Variants in FSTL5 observed in about 807,000 individuals in gnomAD.
FSTL5 encodes the protein follistatin like 5.
FSTL5 carries 62 observed loss-of-function variants against 89.1 expected under a neutral mutation model. The observed-to-expected ratio is 0.70, with a 90% CI of 0.57 to 0.86. The LOEUF is 0.86. Among genes scored for constraint, FSTL5 ranks in the 40% least tolerant of loss-of-function variants. The pLI is 0.00. For missense variants in FSTL5, 1,057 were observed against 1,001.6 expected (o/e 1.06, Z -0.75); for synonymous variants, 383 against 346.2 (o/e 1.11, Z -1.18).
chr4:161,448,471 C>T (rs143995293), intron 15 of FSTL5, among the ~76,000 whole-genome samples: 9 of 152,162 alleles, frequency 5.9e-5, no homozygotes, highest in East Asian at 1.9e-4. Context: ...TTTGCTTTAA[C>T]GGATTTGATA....
chr4:161,689,224 T>TAAACTCTATATAGAAC (rs1737842370), intron 6 of FSTL5, among the ~76,000 whole-genome samples: 1 of 152,180 alleles, frequency 6.6e-6, no homozygotes, highest in African/African-American at 2.4e-5. Context: ...CCATGTTTAA[T>TAAACTCTATATAGAAC]AAACTCTATA....
intron 4 of FSTL5, among the ~76,000 whole-genome samples, chr4:161,821,195 G>C (rs1730482990): frequency 1.3e-5 from 2 of 151,886 alleles, no homozygotes; most frequent in Admixed American, 6.6e-5. Flanking sequence ...AGCACACCAT[G>C]TCTGGCTAAT....
At chr4:161,558,571 A>G (rs1732476902) in intron 8 of FSTL5, among the ~76,000 whole-genome samples, 1 of 151,514 alleles carries the variant, frequency 6.6e-6, no homozygotes, top group African/African-American at 2.4e-5. Flanking sequence ...TTCTCACTCA[A>G]TCCTCTGTTC....
chr4:161,633,711 G>A (rs1321911485), intron 7 of FSTL5, among the ~76,000 whole-genome samples: 8 of 152,030 alleles, frequency 5.3e-5, no homozygotes, highest in African/African-American at 1.9e-4. Flanking sequence ...AGAGTGTTTA[G>A]TAACTAGATG....
chr4:161,960,039 A>G (rs1303207351), intron 3 of FSTL5, among the ~76,000 whole-genome samples: 1 of 152,140 alleles, frequency 6.6e-6, no homozygotes. Flanking sequence ...TATTATCTAT[A>G]CAATGTTATT....
intron 3 of FSTL5, among the ~76,000 whole-genome samples, chr4:162,021,202 A>C (rs2111157312): frequency 6.6e-6 from 1 of 152,254 alleles, no homozygotes; most frequent in Non-Finnish European, 1.5e-5. Flanking sequence ...GGCTACTACT[A>C]GGCAACTGCA....
At chr4:161,428,726 G>A (rs182036235) in intron 15 of FSTL5, among the ~76,000 whole-genome samples, 5 of 152,208 alleles carry the variant, frequency 3.3e-5, no homozygotes, top group Admixed American at 6.5e-5. Flanking sequence ...AGTGATACCC[G>A]GACAGTACTC....
intron 1 of FSTL5, among the ~76,000 whole-genome samples, chr4:162,131,329 A>G (rs146781337): frequency 6.6e-6 from 1 of 152,336 alleles, no homozygotes; most frequent in African/African-American, 2.4e-5. Flanking sequence ...TTTATATTAA[A>G]TGAATGAATG....
At chr4:161,916,740 T>A (rs1733851009) in intron 4 of FSTL5, among the ~76,000 whole-genome samples, 1 of 152,044 alleles carries the variant, frequency 6.6e-6, no homozygotes, top group African/African-American at 2.4e-5. Context: ...TAAATTTACG[T>A]GTATATTTAA....
intron 13 of FSTL5, among the ~76,000 whole-genome samples, chr4:161,468,113 C>T (rs753369482): frequency 4.6e-5 from 7 of 152,042 alleles, no homozygotes; most frequent in Non-Finnish European, 7.4e-5. Context: ...TAATAGCTCT[C>T]ATAATTGAAA....
At chr4:162,163,090 A>G (rs1177027861) in intron 1 of FSTL5, among the ~76,000 whole-genome samples, 2 of 152,052 alleles carry the variant, frequency 1.3e-5, no homozygotes, top group African/African-American at 2.4e-5. Flanking sequence ...ATGTTTCTAT[A>G]CCTACCTCCT....
chr4:161,768,505 G>A (rs938656390), intron 5 of FSTL5, among the ~76,000 whole-genome samples: 11 of 151,976 alleles, frequency 7.2e-5, no homozygotes, highest in African/African-American at 2.2e-4. Flanking sequence ...TGTAAGGAAG[G>A]CAAGGCTCTT....
intron 8 of FSTL5, among the ~76,000 whole-genome samples, chr4:161,569,072 A>G (rs1489694413): frequency 6.6e-6 from 1 of 152,160 alleles, no homozygotes; most frequent in Non-Finnish European, 1.5e-5. Context: ...ATTATATTTC[A>G]TTACACCCTC....
intron 6 of FSTL5, among the ~76,000 whole-genome samples, chr4:161,657,788 A>C (rs1736567968): frequency 6.6e-6 from 1 of 152,192 alleles, no homozygotes; most frequent in Non-Finnish European, 1.5e-5. Flanking sequence ...ATAATTCAAC[A>C]CACACACACG....
intron 12 of FSTL5, among the ~76,000 whole-genome samples, chr4:161,490,351 C>A (rs995175047): frequency 9.2e-5 from 14 of 152,004 alleles, no homozygotes; most frequent in Admixed American, 2.6e-4. Context: ...TTTTTGGAAA[C>A]CTTAGTTGAA....
intron 4 of FSTL5, among the ~76,000 whole-genome samples, chr4:161,854,882 A>G (rs1237852739): frequency 2.6e-5 from 4 of 152,040 alleles, no homozygotes; most frequent in African/African-American, 7.2e-5. Context: ...GATTTTAATA[A>G]TGTTAAAAAA....
chr4:161,490,661 C>G (rs539394259), intron 12 of FSTL5, among the ~76,000 whole-genome samples: 49 of 152,178 alleles, frequency 3.2e-4, no homozygotes, highest in Admixed American at 3.2e-3. Flanking sequence ...GTTTACAAGA[C>G]TACTATTGAC....
At chr4:161,738,718 T>A (rs1213091639) in intron 6 of FSTL5, among the ~76,000 whole-genome samples, 1 of 152,162 alleles carries the variant, frequency 6.6e-6, no homozygotes, top group Non-Finnish European at 1.5e-5. Flanking sequence ...CTTCACATAC[T>A]TGGAAAATTG....
intron 3 of FSTL5, among the ~76,000 whole-genome samples, chr4:161,948,178 C>A (rs1734788032): frequency 6.7e-6 from 1 of 150,076 alleles, no homozygotes; most frequent in Non-Finnish European, 1.5e-5. Flanking sequence ...AGCTACTTGA[C>A]AAACTGAAGC....
Sources: gnomAD v4.1 joint callset for allele counts (sites outside exome capture counted in the v4.1 genomes callset) on GRCh38, gnomAD v4.1.1 for gene constraint, MANE v1.5 for transcripts, NCBI Gene and HGNC (gene_info 2026-07-23, HGNC 2026-07-21) for gene names.